Variants in ZNF493 observed in about 807,000 individuals in gnomAD.
The protein encoded by ZNF493 is zinc finger protein 493.
Under a neutral mutation model 12.2 loss-of-function variants are expected in ZNF493, and 11 were observed. The observed-to-expected ratio is 0.90, with a 90% CI of 0.57 to 1.50. ZNF493 has a LOEUF of 1.50. Among genes scored for constraint, ZNF493 ranks in the 40% most tolerant of loss-of-function variants. The probability of loss-of-function intolerance (pLI) is 0.00; values close to 1 mark genes in which losing one functional copy is unlikely to be tolerated. For missense variants in ZNF493, 950 were observed against 906.6 expected (o/e 1.05, Z -0.61); for synonymous variants, 286 against 302.6 (o/e 0.95, Z 0.57).
Position 21,405,867 on chromosome 19 carries a change from G to C in ZNF493, c.253+11G>C. 1.1e-6 allele frequency: 1 copy of C among 918,022 alleles called. No homozygotes were observed. The highest frequency in any genetic ancestry group is 1.6e-6 in the Non-Finnish European group (1 of 644,318). 56.9% of individuals were successfully genotyped at this position (918,022 alleles called of 1,614,324 possible). The stretch of plus-strand genomic sequence containing the variant: ...TAGTCAAACCCCCAGGTAGGTGAGA[G>C]TGAATGAAACAGTTGACATAGATGA... On this transcript the variant is annotated intron_variant, in intron 3 of 3. Transcript: ENST00000392288.
In ZNF493 at chr19:21,397,274, G is replaced by A. The variant is rs374046369; in HGVS notation, c.30+7G>A. The A allele has an allele frequency of 9.3e-6, 15 of 1,614,108 alleles. No homozygotes were observed. Among genetic ancestry groups the A allele is most frequent in the African/African-American group, 2.7e-5 (2 of 74,926 alleles). Reference sequence around the variant, plus strand: ...CCCTGAAAGCCTAGACATGGTGAGAGTGCTGGGTCCGACATCACGAGAGAG... The same window carrying A: ...CCCTGAAAGCCTAGACATGGTGAGAATGCTGGGTCCGACATCACGAGAGAG... On this transcript the variant is annotated splice_region_variant and intron_variant, in intron 1 of 3. Coordinates refer to ENST00000392288, the MANE Select transcript of ZNF493 (RefSeq NM_001076678.3).
chr19:21,424,066 T>C lies in ZNF493; in HGVS notation c.1407T>C (p.Ala469=), dbSNP rs2434993. 6.2e-7 allele frequency: 1 copy of C among 1,611,972 alleles called. No homozygotes were observed. Among genetic ancestry groups the C allele is most frequent in the Admixed American group, 1.7e-5 (1 of 59,744 alleles). ...ACAAATGTGAAGAATGTGGCAAAGC[T>C]TTTAAACGATCTTCAACCCTTACTA... ...KPYKCEECGK[A]FKRSSTLTKH... is the part of the protein sequence containing the mutation. Residue 469 remains alanine (A), a synonymous_variant, in exon 4 of 4, where the codon GCT becomes GCC. Transcript: ENST00000392288.
intron 3 of ZNF493, chr19:21,413,043 C>T: frequency 6.5e-6 from 2 of 307,712 alleles, no homozygotes; most frequent in South Asian, 2.6e-5. Context: ...GTGGCTGTGG[C>T]ACACAGACTG....
At chr19:21,405,322 A>C in intron 2 of ZNF493, 67 bp downstream of exon 2, 5 of 1,555,660 alleles carry the variant, frequency 3.2e-6, no homozygotes, top group Middle Eastern at 1.7e-4. Context: ...TTTTCATAGA[A>C]TAATTTTTGG....
Position 21,426,769 on chromosome 19 carries a change from G to T in ZNF493, c.*1785G>T, listed in dbSNP as rs1599384363. The T allele has an allele frequency of 1.8e-5, 3 of 167,058 alleles. No homozygotes were observed. The highest frequency in any genetic ancestry group is 3.9e-4 in the East Asian group (2 of 5,190). 10.3% of individuals were successfully genotyped at this position (167,058 alleles called of 1,614,324 possible). On this transcript the variant is annotated 3_prime_UTR_variant, in exon 4 of 4. Transcript: ENST00000392288. Reference sequence around the variant, plus strand: ...ATAAAAAAAATTTTAATCCAAATTTGTCTATGTAAATACCAGAATTTATAG... The same window carrying T: ...ATAAAAAAAATTTTAATCCAAATTTTTCTATGTAAATACCAGAATTTATAG...
intron 1 of ZNF493, among the ~76,000 whole-genome samples, chr19:21,400,080 G>T (rs1034638961): frequency 6.6e-6 from 1 of 152,120 alleles, no homozygotes; most frequent in Non-Finnish European, 1.5e-5. Flanking sequence ...TTTTCTAAAA[G>T]AAATAGATAC....
In ZNF493 at chr19:21,423,891, G is replaced by C; in HGVS notation, c.1232G>C (p.Gly411Ala). 6.2e-7 allele frequency: 1 copy of C among 1,613,166 alleles called. No individual in the cohort carries two copies. The highest frequency in any genetic ancestry group is 8.5e-7 in the Non-Finnish European group (1 of 1,179,458). ...EEKSHRCEECGKAYKESSHLT... is the reference protein window; with the variant it reads ...EEKSHRCEECAKAYKESSHLT... ...AAATCCCACAGATGTGAAGAATGTG[G>C]CAAAGCTTATAAGGAGTCTTCACAC... Residue 411 changes from glycine (G) to alanine (A), a missense_variant, in exon 4 of 4, where the codon GGC becomes GCC. Gly to Ala is a moderately conservative substitution (Grantham distance 60, BLOSUM62 0). Transcript: ENST00000392288.
In ZNF493 at chr19:21,427,477, C is replaced by G. The variant is rs2030883821; in HGVS notation, c.*2493C>G. The G allele has an allele frequency of 6.7e-6, 1 of 149,146 alleles. No homozygotes were observed. Among genetic ancestry groups the G allele is most frequent in the African/African-American group, 2.4e-5 (1 of 41,154 alleles). The allele number at this position is 149,146 out of a possible 1,614,324, so 9.2% of individuals were successfully genotyped here. A position where few individuals can be genotyped will look rare whatever the true frequency, so the allele number is the denominator to read the frequency against. On this transcript the variant is annotated 3_prime_UTR_variant, in exon 4 of 4. Coordinates refer to ENST00000392288, the MANE Select transcript of ZNF493 (RefSeq NM_001076678.3). ...TACTTTTATATAATAAAATGCAGTA[C>G]ATTTTAAAAAATTTTAAATTCTGTG...
At chr19:21,402,578 G>A (rs1351174337) in intron 1 of ZNF493, among the ~76,000 whole-genome samples, 1 of 152,144 alleles carries the variant, frequency 6.6e-6, no homozygotes, top group East Asian at 1.9e-4. Context: ...ATAGGGTCAG[G>A]CCTCTGCCTG....
At position 21,423,089 on chromosome 19, in the gene ZNF493, C is replaced by A; in HGVS notation, c.430C>A (p.Gln144Lys). The change falls in exon 4 of 4, where the codon CAG becomes AAG. Residue 144 changes from glutamine (Q) to lysine (K), a missense_variant. Coordinates refer to ENST00000392288, the MANE Select transcript of ZNF493 (RefSeq NM_001076678.3). ...CAAAGAAGGTTATAATGAACTAAAC[C>A]AGTATTTGACAACTACCCAGAGCAA... ...VHKEGYNELN[Q>K]YLTTTQSKIF... 5.6e-6 allele frequency: 9 copies of A among 1,613,490 alleles called. No homozygotes were observed. Among genetic ancestry groups the A allele is most frequent in the Non-Finnish European group, 7.6e-6 (9 of 1,179,744 alleles).
chr19:21,397,388 C>A, intron 1 of ZNF493, 121 bp downstream of exon 1: 1 of 1,266,796 alleles, frequency 7.9e-7, no homozygotes, highest in Non-Finnish European at 1.2e-6. Context: ...TCCCTGAGTT[C>A]TCCTTGCCCA....
intron 3 of ZNF493, among the ~76,000 whole-genome samples, chr19:21,420,226 T>C (rs2030614720): frequency 6.6e-6 from 1 of 152,158 alleles, no homozygotes; most frequent in Non-Finnish European, 1.5e-5. Flanking sequence ...CTAATGTTAA[T>C]TTATTGTTCT....
rs2030101037 is a variant in ZNF493 at position 21,405,801 on chromosome 19, G to A, written c.198G>A (p.Glu66=). 6.3e-7 allele frequency: 1 copy of A among 1,594,772 alleles called. No individual in the cohort carries two copies. Among genetic ancestry groups the A allele is most frequent in the Non-Finnish European group, 8.6e-7 (1 of 1,169,520 alleles). The change falls in exon 3 of 4, where the codon GAG becomes GAA. Residue 66 remains glutamate, a synonymous_variant. Coordinates refer to ENST00000392288, the MANE Select transcript of ZNF493 (RefSeq NM_001076678.3). The part of the protein sequence containing the change: ...VSKPDLVTCL[E]QGKDPWNMKG... ...AGCCAGATCTGGTCACCTGTCTGGA[G>A]CAAGGAAAAGATCCCTGGAATATGA... is the stretch of plus-strand genomic sequence containing the variant.
chr19:21,408,114 ATTTTTTTTTTTTTTTT>A, intron 3 of ZNF493: 2 of 826,936 alleles, frequency 2.4e-6, no homozygotes, highest in East Asian at 1.9e-4. Flanking sequence ...GTACTTCCCA[ATTTTTTTTTTTTTTTT>A]TTTTTTTTTT....
intron 1 of ZNF493, chr19:21,397,542 C>G (rs1321216742): frequency 1.7e-6 from 1 of 592,888 alleles, no homozygotes; most frequent in Non-Finnish European, 3.0e-6. Context: ...CCGCGTCTTT[C>G]TCAGATTGTG....
intron 3 of ZNF493, among the ~76,000 whole-genome samples, chr19:21,422,423 CTTTATTTATTTATTTA>C (rs56412249): frequency 0.15 from 19,146 of 129,446 alleles, 1,807 homozygotes; most frequent in Non-Finnish European, 0.21. Context: ...CAAGTTACTT[CTTTATTTATTTATTTA>C]TTTATTTATT....
At chr19:21,414,690 A>G (rs949288750) in intron 3 of ZNF493, 1 of 152,252 alleles carries the variant, frequency 6.6e-6, no homozygotes, top group African/African-American at 2.4e-5. Flanking sequence ...TATCAAAAGC[A>G]GTCAATACCT....
chr19:21,399,138 C>G (rs1974219894), intron 1 of ZNF493, among the ~76,000 whole-genome samples: 8 of 151,952 alleles, frequency 5.3e-5, no homozygotes, highest in Admixed American at 5.3e-4. Flanking sequence ...TCAGACACAT[C>G]TGTTATTTAT....
At chr19:21,413,189 A>G (rs553097464) in intron 3 of ZNF493, 167 of 322,050 alleles carry the variant, frequency 5.2e-4, no homozygotes, top group Non-Finnish European at 8.4e-4. Context: ...CTGGCCAGGT[A>G]CTATTTTGTT....
Sources: allele counts gnomAD v4.1 joint callset (sites outside exome capture counted in the v4.1 genomes callset), GRCh38; gene constraint gnomAD v4.1.1; transcripts MANE v1.5; gene names NCBI Gene and HGNC (gene_info 2026-07-23, HGNC 2026-07-21).